The following RAI1 variants were observed in gnomAD, a reference collection of about 807,000 sequenced individuals.
RAI1 encodes retinoic acid-induced protein 1.
RAI1 carries 9 observed loss-of-function variants against 123.8 expected under a neutral mutation model. The ratio of observed to expected loss-of-function variants is 0.07; its 90% CI spans 0.04 to 0.13. The LOEUF is 0.13. RAI1 is among the 10% of genes least tolerant of loss of function. The pLI is 1.00. For synonymous variants in RAI1, 1,231 were observed against 1,127.3 expected (o/e 1.09, Z -1.84); for missense variants, 2,256 against 2,545.8 (o/e 0.89, Z 2.45).
chr17:17,703,254 G>T (rs910779204), intron 1 of RAI1, among the ~76,000 whole-genome samples: 41 of 152,180 alleles, frequency 2.7e-4, no homozygotes, highest in African/African-American at 9.4e-4. Context: ...CCAGGTCAGG[G>T]TCAGGAGGAC....
At chr17:17,777,077 T>C (rs1186910717) in intron 2 of RAI1, 1 of 152,176 alleles carries the variant, frequency 6.6e-6, no homozygotes, top group African/African-American at 2.4e-5. Context: ...CCCAGATGTA[T>C]CTCCCTCATC....
intron 2 of RAI1, among the ~76,000 whole-genome samples, chr17:17,749,653 C>G (rs2030074787): frequency 6.6e-6 from 1 of 152,210 alleles, no homozygotes; most frequent in Non-Finnish European, 1.5e-5. Flanking sequence ...ATCTTTGCCT[C>G]TGCTGGTCTT....
At chr17:17,802,776 A>C (rs1340656805) in intron 3 of RAI1, among the ~76,000 whole-genome samples, 1 of 151,468 alleles carries the variant, frequency 6.6e-6, no homozygotes, top group Non-Finnish European at 1.5e-5. Context: ...ACTCCATCTC[A>C]AAAGCAAAAG....
chr17:17,778,791 T>C, intron 2 of RAI1: 1 of 456,740 alleles, frequency 2.2e-6, no homozygotes, highest in East Asian at 6.9e-5. Context: ...ACAGCAGTTC[T>C]GGGGCCAGGC....
chr17:17,692,920 ATCTCTGTG>A (rs1404824711), intron 1 of RAI1, among the ~76,000 whole-genome samples: 5 of 152,194 alleles, frequency 3.3e-5, no homozygotes, highest in Admixed American at 2.6e-4. Context: ...AGATTGCAAT[ATCTCTGTG>A]CCTATCAGTG....
chr17:17,810,482 CTCCG>C lies in RAI1; in HGVS notation c.*503_*506del. On this transcript the variant is annotated 3_prime_UTR_variant, in exon 6 of 6. Transcript: ENST00000353383. This position sits in a 1 kb window ranked among gnomAD's most constrained non-coding sequence, Gnocchi z 4.6. ...GGAAGAGGCGGAGGGCGGCTCCTAGCTCCGTGGACTAGGCGGGGGAGAAAGGAAG... is the reference window on the plus strand; with the variant it reads ...GGAAGAGGCGGAGGGCGGCTCCTAGCTGGACTAGGCGGGGGAGAAAGGAAG... 3.9e-6 allele frequency: 1 copy of C among 254,026 alleles called. No individual in the cohort carries two copies. Among genetic ancestry groups the C allele is most frequent in the South Asian group, 3.6e-5 (1 of 27,486 alleles). 15.7% of individuals were successfully genotyped at this position (254,026 alleles called of 1,614,324 possible).
rs1215839749 is a variant in RAI1, at chr17:17,800,152, GC to G, written c.5565+1641del. 7.4e-6 allele frequency among the ~76,000 whole-genome samples: 1 copy of G among 135,520 alleles called. No individual in the cohort carries two copies. The highest frequency in any genetic ancestry group is 1.6e-5 in the Non-Finnish European group (1 of 60,950). The allele number at this position is 135,520 out of a possible 152,430, so 88.9% of individuals were successfully genotyped here. A position where few individuals can be genotyped will look rare whatever the true frequency, so the allele number is the denominator to read the frequency against. On this transcript the variant is annotated intron_variant, in intron 3 of 5. Transcript: ENST00000353383. The surrounding 1 kb of genome is among the most constrained non-coding windows in gnomAD (Gnocchi z 4.7). ...TCCCCTTCCCAGTTAGTGATTTTTT[GC>G]CTCTCTCCTGCTTTCTGTCTCTCTC...
intron 1 of RAI1, among the ~76,000 whole-genome samples, chr17:17,707,218 G>A (rs1182429466): frequency 1.3e-5 from 2 of 152,224 alleles, no homozygotes; most frequent in Non-Finnish European, 2.9e-5. Context: ...GCTGAGGTGG[G>A]AAGATCGCTT....
intron 2 of RAI1, among the ~76,000 whole-genome samples, chr17:17,760,435 T>G (rs997986400): frequency 1.3e-5 from 2 of 151,970 alleles, no homozygotes; most frequent in African/African-American, 4.8e-5. Flanking sequence ...TACCCAGAAG[T>G]TTGGCTCAGC....
chr17:17,711,876 G>A (rs921315025), intron 1 of RAI1, among the ~76,000 whole-genome samples: 1 of 152,232 alleles, frequency 6.6e-6, no homozygotes, highest in Admixed American at 6.5e-5. Context: ...TTCAACTCCC[G>A]GGACCTGTGG....
chr17:17,704,690 C>T (rs1026126880), intron 1 of RAI1, among the ~76,000 whole-genome samples: 1 of 152,142 alleles, frequency 6.6e-6, no homozygotes, highest in Non-Finnish European at 1.5e-5. Context: ...GAAACTCCCA[C>T]TTCAGGTCCT....
In RAI1 at chr17:17,794,122, T is replaced by G; in HGVS notation, c.1174T>G (p.Phe392Val). 1 of 1,614,048 alleles carries G rather than the reference T, an allele frequency of 6.2e-7. No individual in the cohort carries two copies. The highest frequency in any genetic ancestry group is 2.2e-5 in the East Asian group (1 of 44,864). Reference protein sequence around the residue: ...FPAGITDHSHFMPLLNPSPTD... With the variant: ...FPAGITDHSHVMPLLNPSPTD... ...CGCAGGGATCACTGACCACAGCCACTTCATGCCCCTGCTCAATCCCTCCCC... is the reference window on the plus strand; with the variant it reads ...CGCAGGGATCACTGACCACAGCCACGTCATGCCCCTGCTCAATCCCTCCCC... The change falls in exon 3 of 6, where the codon TTC becomes GTC. Residue 392 changes from phenylalanine to valine, a missense_variant. Physicochemically the swap from Phe to Val is conservative, Grantham distance 50. Coordinates refer to ENST00000353383, the MANE Select transcript of RAI1 (RefSeq NM_030665.4).
At chr17:17,687,622 G>A (rs1195094279) in intron 1 of RAI1, among the ~76,000 whole-genome samples, 3 of 152,144 alleles carry the variant, frequency 2.0e-5, no homozygotes, top group Admixed American at 6.5e-5. Context: ...CACTGGATTC[G>A]GAATCAGGAA....
intron 1 of RAI1, among the ~76,000 whole-genome samples, chr17:17,701,086 C>T (rs1192855460): frequency 6.6e-6 from 1 of 152,202 alleles, no homozygotes; most frequent in Non-Finnish European, 1.5e-5. Flanking sequence ...AAACCCACCC[C>T]TGCGCCTCCA....
Position 17,796,854 on chromosome 17 carries a change from C to G in RAI1, c.3906C>G (p.Leu1302=), listed in dbSNP as rs373587264. 5 of 1,612,866 alleles carry G rather than the reference C, an allele frequency of 3.1e-6. No individual in the cohort carries two copies. Among genetic ancestry groups the G allele is most frequent in the Middle Eastern group, 1.6e-4 (1 of 6,062 alleles). ...LPPPETPDAC[L]KLASRAAFQG... is the part of the protein sequence containing the mutation. ...CCCCGGAGACCCCCGATGCCTGCCT[C>G]AAGCTCGCCTCTCGGGCAGCCTTCC... Residue 1302 remains leucine, a synonymous_variant, in exon 3 of 6, where the codon CTC becomes CTG. Transcript: ENST00000353383. The surrounding 1 kb of genome is among the most constrained non-coding windows in gnomAD (Gnocchi z 5.8).
chr17:17,711,388 T>A (rs1017472060), intron 1 of RAI1, among the ~76,000 whole-genome samples: 1 of 152,168 alleles, frequency 6.6e-6, no homozygotes, highest in African/African-American at 2.4e-5. Context: ...AGTCAGACCC[T>A]CCTGTGTGTG....
At position 17,801,422 on chromosome 17, in the gene RAI1, C is replaced by G. The variant is rs1480086923; in HGVS notation, c.5566-2334C>G. 6.6e-6 allele frequency among the ~76,000 whole-genome samples: 1 copy of G among 152,186 alleles called. No homozygotes were observed. The highest frequency in any genetic ancestry group is 1.5e-5 in the Non-Finnish European group (1 of 68,034). ...TCTTAGTTTCTTCACATCTAAAATG[C>G]TATTCATATGCCTGCCTGAGGGTGG... On this transcript the variant is annotated intron_variant, in intron 3 of 5. Coordinates refer to ENST00000353383, the MANE Select transcript of RAI1 (RefSeq NM_030665.4). This position sits in a 1 kb window ranked among gnomAD's most constrained non-coding sequence, Gnocchi z 4.1.
chr17:17,774,111 T>C (rs1477202858), intron 2 of RAI1, among the ~76,000 whole-genome samples: 2 of 152,198 alleles, frequency 1.3e-5, no homozygotes, highest in African/African-American at 2.4e-5. Context: ...TGTAGACTGC[T>C]TCTCAGAACA....
At chr17:17,776,735 G>C (rs73295699) in intron 2 of RAI1, 13,398 of 139,670 alleles carry the variant, frequency 0.096, 922 homozygotes, top group African/African-American at 0.2. Flanking sequence ...TGCAGTCACA[G>C]CTCACTGCAG....
Sources: allele counts gnomAD v4.1 joint callset (sites outside exome capture counted in the v4.1 genomes callset), GRCh38; gene constraint gnomAD v4.1.1; non-coding constraint Gnocchi (gnomAD v3.1); transcripts MANE v1.5; gene names NCBI Gene and HGNC (gene_info 2026-07-23, HGNC 2026-07-21).